The following APTX variants were observed in gnomAD, a reference collection of about 807,000 sequenced individuals.
APTX encodes forkhead-associated domain histidine triad-like protein.
Under a neutral mutation model 42.3 loss-of-function variants are expected in APTX, and 33 were observed. That is an observed-to-expected ratio of 0.78 (90% CI 0.59 to 1.04). APTX has a LOEUF of 1.04. APTX is among the 50% of genes least tolerant of loss of function. APTX has a pLI of 0.00. For synonymous variants in APTX, 130 were observed against 146.7 expected (o/e 0.89, Z 0.82); for missense variants, 421 against 415.1 (o/e 1.01, Z -0.12).
intron 1 of APTX, among the ~76,000 whole-genome samples, chr9:33,010,880 G>A (rs1274236548): frequency 2.6e-5 from 4 of 151,722 alleles, no homozygotes; most frequent in South Asian, 2.1e-4. Flanking sequence ...GGTGACTAAC[G>A]CCTGTAATCC....
intron 1 of APTX, 48 bp downstream of exon 1, chr9:33,001,519 C>A: frequency 6.2e-7 from 1 of 1,612,636 alleles, no homozygotes; most frequent in Admixed American, 1.7e-5. Context: ...CGCTCACCCG[C>A]GGCATTGAGC....
rs755324041 is a variant in APTX at position 33,001,596 on chromosome 9, G to A, written c.-34C>T. On this transcript the variant is annotated 5_prime_UTR_variant, in exon 1 of 8. It adds an upstream start codon to the 5' untranslated region. Transcript: ENST00000379817. Reference sequence around the variant, plus strand: ...AGAAGTCGGAGACGGACAAATTCACGTTACTCATCTGTGCCTCACCGCTTC... The same window carrying A: ...AGAAGTCGGAGACGGACAAATTCACATTACTCATCTGTGCCTCACCGCTTC... The A allele has an allele frequency of 7.4e-6, 12 of 1,613,936 alleles. No individual in the cohort carries two copies. The highest frequency in any genetic ancestry group is 3.3e-5 in the Admixed American group (2 of 60,012).
chr9:33,010,875 C>G (rs1837493300), intron 1 of APTX, among the ~76,000 whole-genome samples: 1 of 151,770 alleles, frequency 6.6e-6, no homozygotes, highest in South Asian at 2.1e-4. Context: ...GGCGTGGTGA[C>G]TAACGCCTGT....
In APTX at chr9:32,987,312, A is replaced by C. The variant is rs113203836; in HGVS notation, c.483+232T>G. 4.2e-3 allele frequency among the ~76,000 whole-genome samples: 646 copies of C among 152,340 alleles called. 3 individuals carry two copies. Among genetic ancestry groups the C allele is most frequent in the African/African-American group, 0.015 (618 of 41,562 alleles). ...TGATCCACTTTAGTTGTTCAATGTT[A>C]AGTACACACTGCCATTATTGTTGTA... On this transcript the variant is annotated intron_variant, in intron 4 of 7. Coordinates refer to ENST00000379817, the MANE Select transcript of APTX (RefSeq NM_001195248.2).
At chr9:33,024,587 C>T (rs1838696298) in intron 1 of APTX, among the ~76,000 whole-genome samples, 1 of 152,154 alleles carries the variant, frequency 6.6e-6, no homozygotes, top group Non-Finnish European at 1.5e-5. Context: ...ACATCAAAGA[C>T]GGTCCAAACG....
At chr9:33,019,189 G>A (rs1052737149) in intron 1 of APTX, among the ~76,000 whole-genome samples, 1 of 152,018 alleles carries the variant, frequency 6.6e-6, no homozygotes, top group African/African-American at 2.4e-5. Context: ...CAACTTTTCC[G>A]CAAATCTAAA....
intron 1 of APTX, among the ~76,000 whole-genome samples, chr9:33,000,825 G>A (rs1289165236): frequency 6.8e-6 from 1 of 147,014 alleles, no homozygotes; most frequent in Non-Finnish European, 1.5e-5. Context: ...TATGTATGGG[G>A]AAAGGCTTTT....
At chr9:32,996,487 G>A (rs1834971261) in intron 1 of APTX, among the ~76,000 whole-genome samples, 1 of 151,940 alleles carries the variant, frequency 6.6e-6, no homozygotes, top group Admixed American at 6.6e-5. Context: ...TGCCTACACT[G>A]GTCTGAAACT....
chr9:32,976,689 A>G (rs1233070816), intron 6 of APTX, among the ~76,000 whole-genome samples: 1 of 152,218 alleles, frequency 6.6e-6, no homozygotes, highest in Non-Finnish European at 1.5e-5. Flanking sequence ...TTCACTCTTG[A>G]AAAGCGTCCT....
At chr9:32,996,061 T>C (rs1834836823) in intron 1 of APTX, among the ~76,000 whole-genome samples, 1 of 152,090 alleles carries the variant, frequency 6.6e-6, no homozygotes, top group African/African-American at 2.4e-5. Flanking sequence ...TACTTTTAAT[T>C]AAGGTGTGTA....
chr9:32,978,738 C>T (rs1483782334), intron 6 of APTX, among the ~76,000 whole-genome samples: 1 of 152,136 alleles, frequency 6.6e-6, no homozygotes, highest in Non-Finnish European at 1.5e-5. Context: ...TATCCTCCCA[C>T]CTTCAATATC....
chr9:33,006,692 T>G (rs780916384), intron 1 of APTX, among the ~76,000 whole-genome samples: 1 of 151,940 alleles, frequency 6.6e-6, no homozygotes, highest in Non-Finnish European at 1.5e-5. Flanking sequence ...GGGAGAGGGT[T>G]GTGAGGGCGT....
At chr9:32,976,297 G>A (rs951161957) in intron 6 of APTX, among the ~76,000 whole-genome samples, 1 of 152,058 alleles carries the variant, frequency 6.6e-6, no homozygotes, top group Non-Finnish European at 1.5e-5. Context: ...GTTGATGGGC[G>A]CAGCAAACCA....
Position 32,998,720 on chromosome 9 carries a change from G to C in APTX, c.-5+2847C>G, listed in dbSNP as rs565302558. 7.9e-5 allele frequency among the ~76,000 whole-genome samples: 12 copies of C among 152,182 alleles called. No individual in the cohort carries two copies. The South Asian group carries it at 1.2e-3, about 16-fold the overall frequency. On this transcript the variant is annotated intron_variant, in intron 1 of 7. Coordinates refer to ENST00000379817, the MANE Select transcript of APTX (RefSeq NM_001195248.2). ...GAACATCACACACTGGGGCGTGTCA[G>C]GGGGTGAGGGGCTAGGGGAGGGATA...
intron 1 of APTX, among the ~76,000 whole-genome samples, chr9:33,022,036 T>C (rs930757879): frequency 7.9e-5 from 12 of 151,204 alleles, no homozygotes; most frequent in African/African-American, 2.4e-4. Flanking sequence ...GATTTATATT[T>C]ATAATGCTGG....
chr9:32,991,722 A>G (rs896484188), intron 1 of APTX, among the ~76,000 whole-genome samples: 1 of 151,742 alleles, frequency 6.6e-6, no homozygotes, highest in Non-Finnish European at 1.5e-5. Flanking sequence ...GGTTGCAGTG[A>G]GCAGAGATCG....
intron 6 of APTX, among the ~76,000 whole-genome samples, chr9:32,977,408 G>T (rs10971257): frequency 0.093 from 14,170 of 152,122 alleles, 729 homozygotes; most frequent in Non-Finnish European, 0.11. Context: ...ACCTGGAGCC[G>T]AGGAGTTCAA....
At chr9:33,022,365 T>A (rs1838456776) in intron 1 of APTX, among the ~76,000 whole-genome samples, 1 of 152,214 alleles carries the variant, frequency 6.6e-6, no homozygotes, top group South Asian at 2.1e-4. Flanking sequence ...GATATCACTT[T>A]TTATCTCCAA....
intron 1 of APTX, 177 bp downstream of exon 1, chr9:33,001,390 C>T: frequency 6.5e-7 from 1 of 1,532,806 alleles, no homozygotes; most frequent in Non-Finnish European, 8.7e-7. Context: ...ACGCGAGCGC[C>T]CGCTGAAACA....
Sources: gnomAD v4.1 joint callset for allele counts (sites outside exome capture counted in the v4.1 genomes callset) on GRCh38, gnomAD v4.1.1 for gene constraint, MANE v1.5 for transcripts, NCBI Gene and HGNC (gene_info 2026-07-23, HGNC 2026-07-21) for gene names.